The following ENPP6 variants were observed in gnomAD, a reference collection of about 807,000 sequenced individuals.
The protein encoded by ENPP6 is ectonucleotide pyrophosphatase/phosphodiesterase 6, also known as glycerophosphocholine cholinephosphodiesterase ENPP6.
Under a neutral mutation model 42.0 loss-of-function variants are expected in ENPP6, and 32 were observed. The ratio of observed to expected loss-of-function variants is 0.76; its 90% CI spans 0.58 to 1.02. ENPP6 has a LOEUF of 1.02. ENPP6 is among the 50% of genes least tolerant of loss of function. The pLI, the probability that ENPP6 is intolerant of heterozygous loss-of-function variation, is 0.00. For synonymous variants in ENPP6, 213 were observed against 216.0 expected (o/e 0.99, Z 0.12); for missense variants, 552 against 566.8 (o/e 0.97, Z 0.27).
chr4:184,117,538 A>G (rs13103966), intron 4 of ENPP6, among the ~76,000 whole-genome samples: 82,334 of 152,168 alleles, frequency 0.54, 22,859 homozygotes, highest in East Asian at 0.69. Flanking sequence ...CAGGCGAGAA[A>G]GCACACCTAG....
chr4:184,183,654 A>G (rs1732589698), intron 1 of ENPP6, among the ~76,000 whole-genome samples: 2 of 152,222 alleles, frequency 1.3e-5, no homozygotes, highest in South Asian at 2.1e-4. Context: ...TAAGTCCCCA[A>G]GCTTCCCACA....
At chr4:184,158,086 T>G (rs1216193348) in intron 1 of ENPP6, among the ~76,000 whole-genome samples, 1 of 152,218 alleles carries the variant, frequency 6.6e-6, no homozygotes, top group Admixed American at 6.5e-5. Flanking sequence ...TAGATAATGT[T>G]TGCATGCTAA....
At chr4:184,213,950 TGAAATTG>T (rs1264906034) in intron 1 of ENPP6, among the ~76,000 whole-genome samples, 1 of 118,502 alleles carries the variant, frequency 8.4e-6, no homozygotes, top group African/African-American at 3.0e-5. Context: ...GGGACATGGA[TGAAATTG>T]GAAATCATCA....
At chr4:184,166,401 A>G (rs1737347891) in intron 1 of ENPP6, among the ~76,000 whole-genome samples, 1 of 152,226 alleles carries the variant, frequency 6.6e-6, no homozygotes, top group Non-Finnish European at 1.5e-5. Context: ...AAATAAATGC[A>G]TTGCTTTATG....
At chr4:184,156,042 G>A (rs1737154634) in intron 1 of ENPP6, among the ~76,000 whole-genome samples, 1 of 152,230 alleles carries the variant, frequency 6.6e-6, no homozygotes, top group Admixed American at 6.5e-5. Flanking sequence ...GAGACAGAGA[G>A]AGACAGAGAG....
intron 1 of ENPP6, among the ~76,000 whole-genome samples, chr4:184,190,574 T>C (rs554545614): frequency 2.6e-5 from 4 of 152,230 alleles, no homozygotes; most frequent in Non-Finnish European, 5.9e-5. Context: ...GAAAGCTGGC[T>C]AACTATTTAG....
chr4:184,158,084 G>A (rs1256723839), intron 1 of ENPP6, among the ~76,000 whole-genome samples: 1 of 152,056 alleles, frequency 6.6e-6, no homozygotes, highest in Non-Finnish European at 1.5e-5. Context: ...ATTAGATAAT[G>A]TTTGCATGCT....
At chr4:184,215,831 C>A (rs1232389353) in intron 1 of ENPP6, among the ~76,000 whole-genome samples, 1 of 152,166 alleles carries the variant, frequency 6.6e-6, no homozygotes, top group African/African-American at 2.4e-5. Context: ...GGAAGGGGCC[C>A]TTCTCTCAGG....
At chr4:184,168,614 G>C (rs1008169743) in intron 1 of ENPP6, among the ~76,000 whole-genome samples, 3 of 152,184 alleles carry the variant, frequency 2.0e-5, no homozygotes, top group Non-Finnish European at 4.4e-5. Context: ...TGGCGGCTGC[G>C]GTCTTCACCA....
intron 1 of ENPP6, among the ~76,000 whole-genome samples, chr4:184,176,009 A>C (rs1050922471): frequency 1.3e-4 from 19 of 151,916 alleles, no homozygotes; most frequent in African/African-American, 4.6e-4. Context: ...GGCTGATCTC[A>C]CACTCCTGGC....
chr4:184,201,708 G>C (rs999778466), intron 1 of ENPP6, among the ~76,000 whole-genome samples: 3 of 151,264 alleles, frequency 2.0e-5, no homozygotes, highest in African/African-American at 7.3e-5. Flanking sequence ...TGTGCTGGGA[G>C]ACATTATTTT....
At chr4:184,128,917 A>AT (rs1174270443) in intron 2 of ENPP6, among the ~76,000 whole-genome samples, 1 of 152,232 alleles carries the variant, frequency 6.6e-6, no homozygotes, top group African/African-American at 2.4e-5. Context: ...AAAATTAGGA[A>AT]TTAGTCATGA....
rs1168088756 is a variant in ENPP6, at chr4:184,101,318, G to A, written c.994-3950C>T. Among the ~76,000 whole-genome samples the A allele has an allele frequency of 8.2e-3, 794 of 97,188 alleles. 9 individuals carry two copies. Among genetic ancestry groups the A allele is most frequent in the African/African-American group, 0.037 (754 of 20,532 alleles). The allele number at this position is 97,188 out of a possible 152,430, so 63.8% of individuals were successfully genotyped here. ...TGTGTGTGAGCTTGTGTGTGTGTGT[G>A]TGTGTGTGTGTGTGTGTGTGTGTGT... On this transcript the variant is annotated intron_variant, in intron 6 of 7. Transcript: ENST00000296741.
chr4:184,152,982 C>G (rs111835485), intron 2 of ENPP6, among the ~76,000 whole-genome samples: 421 of 150,714 alleles, frequency 2.8e-3, no homozygotes, highest in African/African-American at 9.7e-3. Context: ...CCTGTATATC[C>G]AACATTTTGC....
chr4:184,104,029 T>G (rs74385251), intron 6 of ENPP6, among the ~76,000 whole-genome samples: 92 of 151,856 alleles, frequency 6.1e-4, no homozygotes, highest in African/African-American at 1.9e-3. Flanking sequence ...TTTCTTTTTT[T>G]GAATCACGTT....
At chr4:184,185,237 C>T (rs1427286616) in intron 1 of ENPP6, among the ~76,000 whole-genome samples, 5 of 152,146 alleles carry the variant, frequency 3.3e-5, no homozygotes, top group Admixed American at 2.0e-4. Flanking sequence ...CTGGTTTACA[C>T]CGGTTGCTCC....
rs889004340 is a variant in ENPP6, at chr4:184,152,863, G to A, written c.421+691C>T. 3.3e-5 allele frequency among the ~76,000 whole-genome samples: 5 copies of A among 151,980 alleles called. No homozygotes were observed. In the East Asian group the frequency reaches 9.7e-4, roughly 29 times the overall value. On this transcript the variant is annotated intron_variant, in intron 2 of 7. Transcript: ENST00000296741. ...ATTTCATGGACTACCAAAAAATAGC[G>A]AGTGCTTTCAATTCTCTTTTCAATA...
At chr4:184,112,514 A>C (rs570703315) in intron 6 of ENPP6, 158 bp downstream of exon 6, 12 of 961,254 alleles carry the variant, frequency 1.2e-5, no homozygotes, top group Non-Finnish European at 1.8e-5. Flanking sequence ...AAGTTACCCG[A>C]TCAAGACTTT....
In ENPP6 at chr4:184,202,427, C is replaced by T. The variant is rs532201466; in HGVS notation, c.241+15152G>A. Among the ~76,000 whole-genome samples, 19 of 152,268 alleles carry T rather than the reference C, an allele frequency of 1.2e-4. 1 individual carries two copies. In the South Asian group the frequency reaches 4.0e-3, roughly 32 times the overall value. On this transcript the variant is annotated intron_variant, in intron 1 of 7. Transcript: ENST00000296741. ...AGATGCGGTGAAGTCTGGAGTGGAA[C>T]AGGAGGGGAGGAGGAGCCTGTTGGA... is the stretch of plus-strand genomic sequence containing the variant.
Sources: gnomAD v4.1 joint callset for allele counts (sites outside exome capture counted in the v4.1 genomes callset) on GRCh38, gnomAD v4.1.1 for gene constraint, MANE v1.5 for transcripts, NCBI Gene and HGNC (gene_info 2026-07-23, HGNC 2026-07-21) for gene names.